TRIM13: variants seen among roughly 807,000 people sequenced by gnomAD.
The protein encoded by TRIM13 is tripartite motif containing 13, also known as E3 ubiquitin-protein ligase TRIM13.
TRIM13 carries 15 observed loss-of-function variants against 27.1 expected under a neutral mutation model. The observed-to-expected ratio is 0.55, with a 90% confidence interval of 0.37 to 0.85. TRIM13 has a LOEUF of 0.85. TRIM13 is among the 40% of genes least tolerant of loss of function. The probability of loss-of-function intolerance (pLI) is 0.00; values close to 1 mark genes in which losing one functional copy is unlikely to be tolerated. For synonymous variants in TRIM13, 193 were observed against 171.5 expected (o/e 1.13, Z -0.98); for missense variants, 402 against 472.2 (o/e 0.85, Z 1.38).
At position 50,016,271 on chromosome 13, in the gene TRIM13, T is replaced by C. The variant is rs1340365756; in HGVS notation, c.*3107T>C. On this transcript the variant is annotated 3_prime_UTR_variant, in exon 2 of 2. Coordinates refer to ENST00000378182, the MANE Select transcript of TRIM13 (RefSeq NM_213590.3). ...CTTTTTAGAGTGAAAGGGGCTATTA[T>C]TAGGTGGGACAAAAGGAATAAATGA... The C allele has an allele frequency of 1.9e-6, 1 of 534,662 alleles. No individual in the cohort carries two copies. The highest frequency in any genetic ancestry group is 3.4e-6 in the Non-Finnish European group (1 of 294,862). 33.1% of individuals were successfully genotyped at this position (534,662 alleles called of 1,614,324 possible).
chr13:50,014,504 A>G lies in TRIM13; in HGVS notation c.*1340A>G, dbSNP rs1876131394. The G allele has an allele frequency of 6.0e-6, 1 of 166,422 alleles. No homozygotes were observed. Among genetic ancestry groups the G allele is most frequent in the East Asian group, 1.9e-4 (1 of 5,152 alleles). The allele number at this position is 166,422 out of a possible 1,614,324, so 10.3% of individuals were successfully genotyped here. A position where few individuals can be genotyped will look rare whatever the true frequency, so the allele number is the denominator to read the frequency against. Reference sequence around the variant, plus strand: ...TTGTTCGAAAGATGGCAAGTGTACAACCAAACCAATCCACTTGCTTACAGA... The same window carrying G: ...TTGTTCGAAAGATGGCAAGTGTACAGCCAAACCAATCCACTTGCTTACAGA... On this transcript the variant is annotated 3_prime_UTR_variant, in exon 2 of 2. Transcript: ENST00000378182.
chr13:50,002,388 A>G (rs892631575), intron 1 of TRIM13, among the ~76,000 whole-genome samples: 3 of 152,082 alleles, frequency 2.0e-5, no homozygotes, highest in Non-Finnish European at 4.4e-5. Context: ...GACTGTCTCA[A>G]AAAAACAAAA....
chr13:50,012,871 C>G lies in TRIM13; in HGVS notation c.931C>G (p.Pro311Ala). 6.2e-7 allele frequency: 1 copy of G among 1,614,034 alleles called. No individual in the cohort carries two copies. The highest frequency in any genetic ancestry group is 8.5e-7 in the Non-Finnish European group (1 of 1,180,000). ...CACTGGCACATTCATTAGCAAGATTCCCTGGAGCTTTTATAAGTTATTTTT... is the reference window on the plus strand; with the variant it reads ...CACTGGCACATTCATTAGCAAGATTGCCTGGAGCTTTTATAAGTTATTTTT... ...QDTGTFISKI[P>A]WSFYKLFLLI... is the part of the protein sequence containing the mutation. The change falls in exon 2 of 2, where the codon CCC becomes GCC. Residue 311 changes from proline (P) to alanine (A), a missense_variant. Physicochemically the swap from Pro to Ala is conservative, Grantham distance 27 (BLOSUM62 -1). Coordinates refer to ENST00000378182, the MANE Select transcript of TRIM13 (RefSeq NM_213590.3).
rs1196614345 is a variant in TRIM13 at position 50,014,247 on chromosome 13, A to C, written c.*1083A>C. ...CATTCTAGGACAGTGATGTGGGAGG[A>C]TTATTTGAGGCTAGGAGTTCCAGTT... On this transcript the variant is annotated 3_prime_UTR_variant, in exon 2 of 2. Coordinates refer to ENST00000378182, the MANE Select transcript of TRIM13 (RefSeq NM_213590.3). 2 of 148,876 alleles carry C rather than the reference A, an allele frequency of 1.3e-5. No homozygotes were observed. The highest frequency in any genetic ancestry group is 3.1e-5 in the Non-Finnish European group (2 of 65,032). 9.2% of individuals were successfully genotyped at this position (148,876 alleles called of 1,614,324 possible).
At chr13:50,005,490 A>G (rs982439499) in intron 1 of TRIM13, among the ~76,000 whole-genome samples, 2 of 151,894 alleles carry the variant, frequency 1.3e-5, no homozygotes, top group Non-Finnish European at 2.9e-5. Flanking sequence ...CCTGGCCAAC[A>G]TGGCGAAACC....
rs1185156782 is a variant in TRIM13 at position 50,012,124 on chromosome 13, T to A, written c.184T>A (p.Ser62Thr). 1 of 1,614,028 alleles carries A rather than the reference T, an allele frequency of 6.2e-7. No individual in the cohort carries two copies. The highest frequency in any genetic ancestry group is 1.1e-5 in the South Asian group (1 of 91,090). Residue 62 changes from serine to threonine, a missense_variant, in exon 2 of 2, where the codon TCA becomes ACA. Physicochemically the swap from Ser to Thr is moderately conservative, Grantham distance 58. Transcript: ENST00000378182. ...FKCPTCRKET[S>T]ATGINSLQVN... is the part of the protein sequence containing the mutation. ...GTGTCCTACATGCCGTAAGGAAACT[T>A]CAGCTACTGGAATTAATAGCCTGCA...
At position 50,015,094 on chromosome 13, in the gene TRIM13, AATATATATATAT is replaced by A. The variant is rs869065030; in HGVS notation, c.*1976_*1987del. 2.4e-4 allele frequency: 4 copies of A among 16,850 alleles called. No individual in the cohort carries two copies. Among genetic ancestry groups the A allele is most frequent in the Admixed American group, 9.3e-4 (1 of 1,074 alleles). 1.0% of individuals were successfully genotyped at this position (16,850 alleles called of 1,614,324 possible). On this transcript the variant is annotated 3_prime_UTR_variant, in exon 2 of 2. Coordinates refer to ENST00000378182, the MANE Select transcript of TRIM13 (RefSeq NM_213590.3). The stretch of plus-strand genomic sequence containing the variant: ...CAGTAATAAAAAAAAAAAAAAAAAA[AATATATATATAT>A]ATATATATATATATATATATATATA...
At chr13:50,004,380 C>G (rs1874409672) in intron 1 of TRIM13, among the ~76,000 whole-genome samples, 1 of 152,030 alleles carries the variant, frequency 6.6e-6, no homozygotes, top group African/African-American at 2.4e-5. Context: ...GGGAGGATCA[C>G]CTGAGCCTGG....
chr13:49,998,123 C>T (rs1382191248), intron 1 of TRIM13, among the ~76,000 whole-genome samples: 1 of 152,046 alleles, frequency 6.6e-6, no homozygotes, highest in Non-Finnish European at 1.5e-5. Context: ...ATAATAGGCA[C>T]TTTAAAAGCA....
At chr13:49,999,205 A>G (rs566540905) in intron 1 of TRIM13, among the ~76,000 whole-genome samples, 4 of 152,140 alleles carry the variant, frequency 2.6e-5, no homozygotes, top group Admixed American at 2.6e-4. Context: ...CCCCAGGTAG[A>G]AGCTACATTT....
At chr13:50,009,736 CAAAAAAAAAA>C (rs35561642) in intron 1 of TRIM13, among the ~76,000 whole-genome samples, 5 of 101,164 alleles carry the variant, frequency 4.9e-5, no homozygotes, top group Non-Finnish European at 9.3e-5. Flanking sequence ...GACTCCGTCT[CAAAAAAAAAA>C]AAAAAAAAAA....
intron 1 of TRIM13, among the ~76,000 whole-genome samples, chr13:50,000,515 A>G (rs1873895894): frequency 6.6e-6 from 1 of 152,222 alleles, no homozygotes; most frequent in Non-Finnish European, 1.5e-5. Context: ...TAAATGAGCA[A>G]TAAGAAAGCA....
chr13:50,015,546 C>T lies in TRIM13; in HGVS notation c.*2382C>T. ...AATGTGGGAGGGAAGATATTCACGACAAGGTTTTCTACGATAAAGCAGTTT... is the reference window on the plus strand; with the variant it reads ...AATGTGGGAGGGAAGATATTCACGATAAGGTTTTCTACGATAAAGCAGTTT... On this transcript the variant is annotated 3_prime_UTR_variant, in exon 2 of 2. Transcript: ENST00000378182. 6.2e-7 allele frequency: 1 copy of T among 1,613,978 alleles called. No individual in the cohort carries two copies. Among genetic ancestry groups the T allele is most frequent in the Non-Finnish European group, 8.5e-7 (1 of 1,179,946 alleles).
At chr13:49,998,792 G>C (rs1330011567) in intron 1 of TRIM13, among the ~76,000 whole-genome samples, 1 of 151,844 alleles carries the variant, frequency 6.6e-6, no homozygotes, top group African/African-American at 2.4e-5. Context: ...AGCTGGGCGT[G>C]GGGGTGCGTG....
At chr13:49,998,035 T>TC (rs1284750787) in intron 1 of TRIM13, among the ~76,000 whole-genome samples, 3 of 152,210 alleles carry the variant, frequency 2.0e-5, no homozygotes, top group East Asian at 3.8e-4. Context: ...TACTTTTTTT[T>TC]CCCTTCTCCT....
In TRIM13 at chr13:50,015,326, A is replaced by G. The variant is rs1876398949; in HGVS notation, c.*2162A>G. On this transcript the variant is annotated 3_prime_UTR_variant, in exon 2 of 2. Coordinates refer to ENST00000378182, the MANE Select transcript of TRIM13 (RefSeq NM_213590.3). ...GCAACTCGAATTTGCAAACACAGCC[A>G]TGGATACACTATTTACCTTACAGTA... The G allele has an allele frequency of 1.7e-6, 1 of 590,866 alleles. No homozygotes were observed. The highest frequency in any genetic ancestry group is 2.9e-5 in the East Asian group (1 of 34,650). 36.6% of individuals were successfully genotyped at this position (590,866 alleles called of 1,614,324 possible). A position where few individuals can be genotyped will look rare whatever the true frequency, so the allele number is the denominator to read the frequency against.
Position 50,015,157 on chromosome 13 carries a change from A to G in TRIM13, c.*1993A>G, listed in dbSNP as rs1328343640. ...TATATATATATATATATATAGTTTT[A>G]CTAGGTTTTCATGGATAAGTTTTTA... On this transcript the variant is annotated 3_prime_UTR_variant, in exon 2 of 2. Transcript: ENST00000378182. 7.8e-6 allele frequency: 1 copy of G among 127,974 alleles called. No homozygotes were observed. The allele number at this position is 127,974 out of a possible 1,614,324, so 7.9% of individuals were successfully genotyped here.
rs1362985012 is a variant in TRIM13 at position 49,997,397 on chromosome 13, C to G, written c.-373C>G. 1 of 152,234 alleles carries G rather than the reference C, an allele frequency of 6.6e-6. No individual in the cohort carries two copies. Among genetic ancestry groups the G allele is most frequent in the Non-Finnish European group, 1.5e-5 (1 of 68,118 alleles). The allele number at this position is 152,234 out of a possible 1,614,324, so 9.4% of individuals were successfully genotyped here. A position where few individuals can be genotyped will look rare whatever the true frequency, so the allele number is the denominator to read the frequency against. On this transcript the variant is annotated 5_prime_UTR_variant, in exon 1 of 2. Coordinates refer to ENST00000378182, the MANE Select transcript of TRIM13 (RefSeq NM_213590.3). ...GCTCCGTCCGGAGCCTTCCTGGCCC[C>G]GCTACCAGCGTCTCCACATCCCCTA... is the stretch of plus-strand genomic sequence containing the variant.
At position 50,014,344 on chromosome 13, in the gene TRIM13, A is replaced by ATATATAT. The variant is rs779133891; in HGVS notation, c.*1180_*1181insTATATAT. On this transcript the variant is annotated 3_prime_UTR_variant, in exon 2 of 2. Transcript: ENST00000378182. ...AAAAAAAAAAAAAAAAAAAAAAAAA[A>ATATATAT]ATATATATATATATATACACACACA... The ATATATAT allele has an allele frequency of 5.1e-5, 1 of 19,730 alleles. No homozygotes were observed. Among genetic ancestry groups the ATATATAT allele is most frequent in the Non-Finnish European group, 8.3e-5 (1 of 12,102 alleles). The allele number at this position is 19,730 out of a possible 1,614,324, so 1.2% of individuals were successfully genotyped here.
Sources: allele counts gnomAD v4.1 joint callset (sites outside exome capture counted in the v4.1 genomes callset), GRCh38; gene constraint gnomAD v4.1.1; transcripts MANE v1.5; gene names NCBI Gene and HGNC (gene_info 2026-07-23, HGNC 2026-07-21).